PLCB1: variants seen among roughly 807,000 people sequenced by gnomAD.
PLCB1 encodes 1-phosphatidylinositol 4,5-bisphosphate phosphodiesterase beta-1.
A neutral mutation model predicts 161.8 loss-of-function variants in PLCB1; 46 were observed. The observed-to-expected ratio is 0.28, with a 90% CI of 0.22 to 0.36. PLCB1 has a LOEUF of 0.36. Among genes scored for constraint, PLCB1 ranks in the 10% least tolerant of loss-of-function variants. PLCB1 has a pLI of 1.00. For synonymous variants in PLCB1, 517 were observed against 503.7 expected (o/e 1.03, Z -0.35); for missense variants, 1,016 against 1,472.5 (o/e 0.69, Z 5.07).
intron 3 of PLCB1, among the ~76,000 whole-genome samples, chr20:8,624,905 G>A (rs956522): frequency 0.046 from 7,064 of 152,230 alleles, 546 homozygotes; most frequent in African/African-American, 0.16. Context: ...AATTTCAGCT[G>A]TGGAGATACA....
chr20:8,675,505 A>G (rs1480004567), intron 9 of PLCB1, among the ~76,000 whole-genome samples: 1 of 152,214 alleles, frequency 6.6e-6, no homozygotes, highest in Non-Finnish European at 1.5e-5. Context: ...GGCAAAGCAG[A>G]AGACCTTCTG....
intron 3 of PLCB1, among the ~76,000 whole-genome samples, chr20:8,393,461 C>G (rs988290423): frequency 1.3e-5 from 2 of 151,914 alleles, no homozygotes; most frequent in African/African-American, 4.8e-5. Context: ...TGCTTGAGGC[C>G]AGGAGTTTGA....
At chr20:8,667,964 G>A (rs2123352670) in intron 9 of PLCB1, among the ~76,000 whole-genome samples, 1 of 152,244 alleles carries the variant, frequency 6.6e-6, no homozygotes. Context: ...GCAGGTTGCA[G>A]TGCGTGTGGG....
At chr20:8,155,413 T>C (rs1376120366) in intron 2 of PLCB1, among the ~76,000 whole-genome samples, 1 of 152,224 alleles carries the variant, frequency 6.6e-6, no homozygotes, top group African/African-American at 2.4e-5. Flanking sequence ...TTTCCATTAA[T>C]GGCAACCATA....
chr20:8,754,393 CAA>C (rs5840280), intron 23 of PLCB1, among the ~76,000 whole-genome samples: 213 of 129,918 alleles, frequency 1.6e-3, no homozygotes, highest in Middle Eastern at 0.016. Context: ...TTTTAGTTGC[CAA>C]AAAAAAAAAA....
chr20:8,684,045 G>A (rs760619348), intron 9 of PLCB1, among the ~76,000 whole-genome samples: 8 of 150,332 alleles, frequency 5.3e-5, no homozygotes, highest in Non-Finnish European at 7.4e-5. Context: ...CACCACACCC[G>A]GCTAATTTTT....
intron 3 of PLCB1, among the ~76,000 whole-genome samples, chr20:8,393,603 T>G (rs1198749293): frequency 6.6e-6 from 1 of 152,182 alleles, no homozygotes; most frequent in African/African-American, 2.4e-5. Flanking sequence ...TGCAGTGAAC[T>G]GTGATTGCAC....
chr20:8,419,486 C>G (rs1600388494), intron 3 of PLCB1, among the ~76,000 whole-genome samples: 1 of 152,024 alleles, frequency 6.6e-6, no homozygotes, highest in African/African-American at 2.4e-5. Context: ...ATTTCAAATA[C>G]CCATACAATG....
intron 2 of PLCB1, among the ~76,000 whole-genome samples, chr20:8,343,475 T>A (rs1237750714): frequency 6.6e-6 from 1 of 152,230 alleles, no homozygotes. Context: ...AGATCCACCA[T>A]CCTAGATTAT....
At chr20:8,612,524 G>T (rs1987932598) in intron 3 of PLCB1, among the ~76,000 whole-genome samples, 1 of 152,142 alleles carries the variant, frequency 6.6e-6, no homozygotes. Flanking sequence ...CTACACTCTG[G>T]TTTACATATT....
At chr20:8,201,788 TG>T (rs2052093683) in intron 2 of PLCB1, among the ~76,000 whole-genome samples, 1 of 152,202 alleles carries the variant, frequency 6.6e-6, no homozygotes, top group Non-Finnish European at 1.5e-5. Context: ...TTACAATCAA[TG>T]ATGCTATCAG....
chr20:8,590,227 A>G (rs1322234150), intron 3 of PLCB1, among the ~76,000 whole-genome samples: 1 of 152,164 alleles, frequency 6.6e-6, no homozygotes, highest in Non-Finnish European at 1.5e-5. Flanking sequence ...TTGTCCAGAG[A>G]GTGCCAAGGA....
chr20:8,681,574 C>T (rs993968353), intron 9 of PLCB1, among the ~76,000 whole-genome samples: 5 of 152,150 alleles, frequency 3.3e-5, no homozygotes, highest in African/African-American at 7.2e-5. Flanking sequence ...CTATGATATG[C>T]ATGTGTATAC....
chr20:8,730,818 T>A (rs1337496457), intron 18 of PLCB1, among the ~76,000 whole-genome samples: 2 of 151,746 alleles, frequency 1.3e-5, no homozygotes, highest in East Asian at 1.9e-4. Context: ...AGACTGAATC[T>A]TTCTTTTTAT....
rs1382681255 is a variant in PLCB1, at chr20:8,132,709, G to T, written c.58G>T (p.Asp20Tyr). Residue 20 changes from aspartate to tyrosine, a missense_variant, in exon 1 of 32, where the codon GAC becomes TAC. Asp to Tyr is a radical substitution (Grantham distance 160). Around this residue, in one of 10 missense-constraint regions of PLCB1, gnomAD observed 181 missense variants for 236.7 expected, o/e 0.76. Transcript: ENST00000338037. The surrounding 1 kb of genome is among the most constrained non-coding windows in gnomAD (Gnocchi z 5.2). Reference protein sequence around the residue: ...ALQLKPVCVSDSLKKGTKFVK... With the variant: ...ALQLKPVCVSYSLKKGTKFVK... Reference sequence around the variant, plus strand: ...GCAACTCAAGCCCGTGTGCGTGTCCGACAGCCTCAAGAAGGGCACCAAATT... The same window carrying T: ...GCAACTCAAGCCCGTGTGCGTGTCCTACAGCCTCAAGAAGGGCACCAAATT... 3.1e-6 allele frequency: 5 copies of T among 1,612,966 alleles called. No homozygotes were observed. The highest frequency in any genetic ancestry group is 2.5e-6 in the Non-Finnish European group (3 of 1,179,318).
intron 3 of PLCB1, among the ~76,000 whole-genome samples, chr20:8,498,087 C>T (rs1983251735): frequency 6.6e-6 from 1 of 151,940 alleles, no homozygotes. Context: ...CAAAATATGC[C>T]TTTATGGGTT....
chr20:8,317,039 A>G (rs1159486995), intron 2 of PLCB1, among the ~76,000 whole-genome samples: 1 of 151,476 alleles, frequency 6.6e-6, no homozygotes, highest in Non-Finnish European at 1.5e-5. Flanking sequence ...TCAAACACAT[A>G]ATAGATGGCA....
At chr20:8,248,638 G>C (rs1980998082) in intron 2 of PLCB1, 1 of 151,818 alleles carries the variant, frequency 6.6e-6, no homozygotes, top group African/African-American at 2.4e-5. Flanking sequence ...CTACTACTGA[G>C]GTCAAAATTC....
At chr20:8,446,017 A>C (rs1006116246) in intron 3 of PLCB1, among the ~76,000 whole-genome samples, 2 of 152,176 alleles carry the variant, frequency 1.3e-5, no homozygotes, top group African/African-American at 4.8e-5. Context: ...AAATTATTCC[A>C]ATCAACAGAA....
Sources: gnomAD v4.1 joint callset for allele counts (sites outside exome capture counted in the v4.1 genomes callset) on GRCh38, gnomAD v4.1.1 for gene constraint, gnomAD v4.1.1 regional missense constraint, Gnocchi (gnomAD v3.1) non-coding constraint, MANE v1.5 for transcripts, NCBI Gene and HGNC (gene_info 2026-07-23, HGNC 2026-07-21) for gene names.